Variants in WWP2 observed in about 807,000 individuals in gnomAD.
The protein encoded by WWP2 is WW domain containing E3 ubiquitin protein ligase 2.
A neutral mutation model predicts 121.0 loss-of-function variants in WWP2; 57 were observed. The observed-to-expected ratio is 0.47, with a 90% CI of 0.38 to 0.59. The LOEUF is 0.59. Among genes scored for constraint, WWP2 ranks in the 20% least tolerant of loss-of-function variants. The pLI, the probability that WWP2 is intolerant of heterozygous loss-of-function variation, is 0.00. For synonymous variants in WWP2, 449 were observed against 441.3 expected (o/e 1.02, Z -0.22); for missense variants, 962 against 1,158.9 (o/e 0.83, Z 2.47).
chr16:69,869,430 C>T (rs187155324), intron 6 of WWP2, among the ~76,000 whole-genome samples: 9 of 150,878 alleles, frequency 6.0e-5, no homozygotes, highest in East Asian at 2.0e-4. Context: ...TCTTTTGCCA[C>T]GCTCTCAGGC....
intron 1 of WWP2, among the ~76,000 whole-genome samples, chr16:69,770,862 G>A (rs1314734557): frequency 6.6e-6 from 1 of 151,908 alleles, no homozygotes; most frequent in Admixed American, 6.6e-5. Flanking sequence ...GCTGGGCGTG[G>A]TGGCTCACAC....
chr16:69,764,400 C>T (rs1413176548), intron 1 of WWP2, among the ~76,000 whole-genome samples: 1 of 152,088 alleles, frequency 6.6e-6, no homozygotes, highest in Non-Finnish European at 1.5e-5. Context: ...GCTATGTTGC[C>T]CGGGCTGTTT....
intron 21 of WWP2, among the ~76,000 whole-genome samples, chr16:69,938,529 G>T (rs1455709224): frequency 2.0e-5 from 3 of 152,078 alleles, no homozygotes; most frequent in Admixed American, 6.5e-5. Context: ...TGATGCATGA[G>T]AATCACTTGA....
chr16:69,927,673 G>A (rs1010932298), intron 11 of WWP2, among the ~76,000 whole-genome samples: 21 of 152,214 alleles, frequency 1.4e-4, no homozygotes, highest in South Asian at 1.2e-3. Context: ...AGACGTGGAG[G>A]ATCTAGTTCA....
At chr16:69,843,092 A>G (rs1333690635) in intron 6 of WWP2, among the ~76,000 whole-genome samples, 1 of 152,154 alleles carries the variant, frequency 6.6e-6, no homozygotes, top group Non-Finnish European at 1.5e-5. Context: ...TGAACAGGAA[A>G]CTTGACTGCT....
At position 69,888,127 on chromosome 16, in the gene WWP2, C is replaced by T. The variant is rs13329812; in HGVS notation, c.792C>T (p.Thr264=). Residue 264 remains threonine, a synonymous_variant, in exon 8 of 24, where the codon ACC becomes ACT. Transcript: ENST00000359154. ...CACCTGCTGCACCCTTGAGTGTGAC[C>T]CCGAATCCCAACACGACTTCTCTCC... ...TSPPAAPLSV[T]PNPNTTSLPA... The T allele has an allele frequency of 6.2e-7, 1 of 1,614,162 alleles. No individual in the cohort carries two copies.
intron 8 of WWP2, among the ~76,000 whole-genome samples, chr16:69,893,137 T>G (rs561635471): frequency 5.9e-5 from 9 of 152,356 alleles, no homozygotes; most frequent in African/African-American, 2.2e-4. Flanking sequence ...TTAATTCCTA[T>G]ACATCTTCAA....
At chr16:69,900,541 G>C (rs1359848791) in intron 8 of WWP2, among the ~76,000 whole-genome samples, 1 of 142,628 alleles carries the variant, frequency 7.0e-6, no homozygotes, top group African/African-American at 2.6e-5. Flanking sequence ...TTTTTTCTTT[G>C]AGACAGAGTC....
At chr16:69,878,759 C>G (rs1031540099) in intron 7 of WWP2, among the ~76,000 whole-genome samples, 1 of 152,166 alleles carries the variant, frequency 6.6e-6, no homozygotes, top group Non-Finnish European at 1.5e-5. Context: ...ATTCATCTAA[C>G]CATTCCTTAA....
At chr16:69,902,000 T>C (rs1466130203) in intron 8 of WWP2, among the ~76,000 whole-genome samples, 1 of 152,222 alleles carries the variant, frequency 6.6e-6, no homozygotes, top group Non-Finnish European at 1.5e-5. Flanking sequence ...TCACTCGAAC[T>C]CTTTGCCCAG....
chr16:69,816,877 C>T (rs1330604776), intron 4 of WWP2, among the ~76,000 whole-genome samples: 1 of 152,112 alleles, frequency 6.6e-6, no homozygotes, highest in African/African-American at 2.4e-5. Context: ...TGGTGCCATC[C>T]CCTTTGATGA....
intron 4 of WWP2, among the ~76,000 whole-genome samples, chr16:69,839,764 C>G (rs1372058322): frequency 6.6e-6 from 1 of 152,200 alleles, no homozygotes; most frequent in Non-Finnish European, 1.5e-5. Flanking sequence ...TTTCTATGGG[C>G]AGGGGGATAT....
chr16:69,802,418 C>G (rs1567674290), intron 4 of WWP2, among the ~76,000 whole-genome samples: 1 of 152,104 alleles, frequency 6.6e-6, no homozygotes, highest in African/African-American at 2.4e-5. Flanking sequence ...CCCATCCTCC[C>G]CTCGCACCAG....
chr16:69,932,872 C>T (rs965714927), intron 16 of WWP2, among the ~76,000 whole-genome samples: 1 of 152,208 alleles, frequency 6.6e-6, no homozygotes, highest in African/African-American at 2.4e-5. Flanking sequence ...AGAGAGAGAG[C>T]GCTGTGGCCC....
intron 4 of WWP2, among the ~76,000 whole-genome samples, chr16:69,813,233 G>A (rs994550809): frequency 2.0e-5 from 3 of 149,412 alleles, no homozygotes; most frequent in East Asian, 2.0e-4. Context: ...CGCGATCTTC[G>A]CTCACCGCAA....
intron 4 of WWP2, among the ~76,000 whole-genome samples, chr16:69,808,087 C>T (rs1056396858): frequency 1.3e-5 from 2 of 152,148 alleles, no homozygotes; most frequent in Non-Finnish European, 2.9e-5. Flanking sequence ...TCCCATTGTC[C>T]CTTCTAGTTA....
At position 69,798,593 on chromosome 16, in the gene WWP2, A is replaced by G. The variant is rs776737596; in HGVS notation, c.71-89A>G. The G allele has an allele frequency of 1.5e-4, 210 of 1,427,298 alleles. 1 individual carries two copies. The highest frequency in any genetic ancestry group is 1.8e-4 in the Non-Finnish European group (195 of 1,068,016). 88.4% of individuals were successfully genotyped at this position (1,427,298 alleles called of 1,614,324 possible). ...ATGTATTGATTTATTTTTTAAAGCA[A>G]TAACTAAAAAGAGCCGGAACATCTG... On this transcript the variant is annotated intron_variant, in intron 2 of 23. Coordinates refer to ENST00000359154, the MANE Select transcript of WWP2 (RefSeq NM_001270454.2).
chr16:69,939,776 C>A, intron 23 of WWP2, 65 bp from the exon 24 acceptor site: 2 of 1,452,562 alleles, frequency 1.4e-6, no homozygotes, highest in South Asian at 1.2e-5. Flanking sequence ...TGCAGGCAGG[C>A]ATGGTGGGGC....
intron 2 of WWP2, among the ~76,000 whole-genome samples, chr16:69,796,658 T>A (rs2056053846): frequency 6.6e-6 from 1 of 152,204 alleles, no homozygotes; most frequent in Non-Finnish European, 1.5e-5. Flanking sequence ...CCCTATTTTT[T>A]AAAGGCATGT....
Sources: gnomAD v4.1 joint callset for allele counts (sites outside exome capture counted in the v4.1 genomes callset) on GRCh38, gnomAD v4.1.1 for gene constraint, MANE v1.5 for transcripts, NCBI Gene and HGNC (gene_info 2026-07-23, HGNC 2026-07-21) for gene names.